The following BAHCC1 variants were observed in gnomAD, a reference collection of about 807,000 sequenced individuals.
BAHCC1 encodes BAH and coiled-coil domain-containing protein 1.
BAHCC1 carries 43 observed loss-of-function variants against 88.2 expected under a neutral mutation model. That is an observed-to-expected ratio of 0.49 (90% CI 0.38 to 0.63). The LOEUF is 0.63. Ranked by LOEUF, BAHCC1 falls within the 20% of genes least tolerant of loss-of-function variation. The probability of loss-of-function intolerance (pLI) is 0.00; values close to 1 mark genes in which losing one functional copy is unlikely to be tolerated. For missense variants in BAHCC1, 3,023 were observed against 1,654.8 expected (o/e 1.83, Z -14.34); for synonymous variants, 1,510 against 745.5 (o/e 2.03, Z -16.71).
chr17:81,459,035 T>C lies in BAHCC1; in HGVS notation c.5606-19T>C. 1 of 740,444 alleles carries C rather than the reference T, an allele frequency of 1.4e-6. No individual in the cohort carries two copies. The highest frequency in any genetic ancestry group is 2.5e-6 in the Non-Finnish European group (1 of 397,830). The allele number at this position is 740,444 out of a possible 1,614,324, so 45.9% of individuals were successfully genotyped here. On this transcript the variant is annotated intron_variant, in intron 20 of 27. Coordinates refer to ENST00000675386, the MANE Select transcript of BAHCC1 (RefSeq NM_001377448.1). ...GTGGTGGGTAGGCCGTGCCGGCCGCTGACACCTTGTGCCCACAGCGCGCTC... is the reference window on the plus strand; with the variant it reads ...GTGGTGGGTAGGCCGTGCCGGCCGCCGACACCTTGTGCCCACAGCGCGCTC...
chr17:81,425,667 G>T (rs1201157541), intron 2 of BAHCC1, among the ~76,000 whole-genome samples: 1 of 6,818 alleles, frequency 1.5e-4, no homozygotes, highest in East Asian at 2.7e-3. Flanking sequence ...TGTGGTTGGT[G>T]GTGATGGTGG....
At position 81,411,522 on chromosome 17, in the gene BAHCC1, T is replaced by TCCTG. The variant is rs1567998100; in HGVS notation, c.178+11608_178+11609insGCCT. The TCCTG allele has an allele frequency of 8.4e-6, 1 of 119,032 alleles. No homozygotes were observed. The highest frequency in any genetic ancestry group is 5.0e-5 in the South Asian group (1 of 20,138). 7.4% of individuals were successfully genotyped at this position (119,032 alleles called of 1,614,324 possible). A position where few individuals can be genotyped will look rare whatever the true frequency, so the allele number is the denominator to read the frequency against. ...TGCCTGCCTGCCTGCCTGCCTTCCT[T>TCCTG]CCTTCCTTCCTTCCTTCCTTCCTTC... On this transcript the variant is annotated intron_variant, in intron 2 of 27. Coordinates refer to ENST00000675386, the MANE Select transcript of BAHCC1 (RefSeq NM_001377448.1). The surrounding 1 kb of genome is among the most constrained non-coding windows in gnomAD (Gnocchi z 6.2).
At chr17:81,436,590 A>C (rs2064339648) in intron 3 of BAHCC1, among the ~76,000 whole-genome samples, 1 of 146,766 alleles carries the variant, frequency 6.8e-6, no homozygotes. Context: ...CCACTCCCCT[A>C]CCCCCGCCCC....
chr17:81,424,802 A>G (rs1353241777), intron 2 of BAHCC1, among the ~76,000 whole-genome samples: 4 of 145,612 alleles, frequency 2.7e-5, no homozygotes, highest in African/African-American at 1.0e-4. Flanking sequence ...GTTTGTGGTG[A>G]TAGTGCTGGG....
chr17:81,432,872 C>T lies in BAHCC1; in HGVS notation c.359-5498C>T, dbSNP rs1190992685. Among the ~76,000 whole-genome samples the T allele has an allele frequency of 8.2e-4, 14 of 17,084 alleles. 1 individual carries two copies. The highest frequency in any genetic ancestry group is 4.6e-3 in the African/African-American group (13 of 2,800). 11.2% of individuals were successfully genotyped at this position (17,084 alleles called of 152,430 possible). On this transcript the variant is annotated intron_variant, in intron 3 of 27. Transcript: ENST00000675386. ...CCCCAGGCCCACCCTTCCCCCCATC[C>T]CCAGGCCCAACCTCCCCCCCCATCC...
chr17:81,413,890 C>T (rs563894105), intron 2 of BAHCC1, among the ~76,000 whole-genome samples: 2 of 152,238 alleles, frequency 1.3e-5, no homozygotes, highest in South Asian at 4.1e-4. Context: ...CTTTCTCCTT[C>T]CGTTTCTGCA....
At chr17:81,409,487 G>A (rs1476083863) in intron 2 of BAHCC1, among the ~76,000 whole-genome samples, 1 of 152,214 alleles carries the variant, frequency 6.6e-6, no homozygotes, top group Non-Finnish European at 1.5e-5. Context: ...GCTCAGGGTG[G>A]GGGCCAGTTC....
At chr17:81,440,656 C>A (rs2064398558) in intron 4 of BAHCC1, among the ~76,000 whole-genome samples, 1 of 152,152 alleles carries the variant, frequency 6.6e-6, no homozygotes, top group Non-Finnish European at 1.5e-5. Context: ...AACCCCAGGG[C>A]AGCCGGGAGT....
In BAHCC1 at chr17:81,447,393, C is replaced by A; in HGVS notation, c.3521C>A (p.Ala1174Asp). The change falls in exon 11 of 28, where the codon GCT becomes GAT. Residue 1174 changes from alanine to aspartate, a missense_variant. Coordinates refer to ENST00000675386, the MANE Select transcript of BAHCC1 (RefSeq NM_001377448.1). The part of the protein sequence containing the change: ...EAGGPEATGQ[A>D]HSTQGGAREE... The stretch of plus-strand genomic sequence containing the variant: ...GGGGGCCCCGAGGCCACCGGCCAGG[C>A]TCATTCTACTCAGGGAGGGGCACGA... 1 of 741,618 alleles carries A rather than the reference C, an allele frequency of 1.3e-6. No homozygotes were observed. Among genetic ancestry groups the A allele is most frequent in the East Asian group, 2.5e-5 (1 of 39,836 alleles). 45.9% of individuals were successfully genotyped at this position (741,618 alleles called of 1,614,324 possible).
intron 24 of BAHCC1, 56 bp downstream of exon 24, chr17:81,460,452 C>T (rs1375386259): frequency 6.9e-6 from 5 of 728,046 alleles, no homozygotes; most frequent in South Asian, 2.9e-5. Context: ...TGTGTCCAGA[C>T]GGGCTCCCAA....
In BAHCC1 at chr17:81,465,221, C is replaced by T. The variant is rs2030622239; in HGVS notation, c.*1404C>T. 1 of 152,302 alleles carries T rather than the reference C, an allele frequency of 6.6e-6. No homozygotes were observed. Among genetic ancestry groups the T allele is most frequent in the Non-Finnish European group, 1.5e-5 (1 of 68,080 alleles). The allele number at this position is 152,302 out of a possible 1,614,324, so 9.4% of individuals were successfully genotyped here. ...AGCCAAATCTGCCTGGCCCTCGGACCCCTCTGCCTGCCCCAACCCCTTTGG... is the reference window on the plus strand; with the variant it reads ...AGCCAAATCTGCCTGGCCCTCGGACTCCTCTGCCTGCCCCAACCCCTTTGG... On this transcript the variant is annotated 3_prime_UTR_variant, in exon 28 of 28. Transcript: ENST00000675386.
intron 27 of BAHCC1, among the ~76,000 whole-genome samples, chr17:81,463,258 G>A (rs1555660006): frequency 6.6e-6 from 1 of 152,172 alleles, no homozygotes; most frequent in Non-Finnish European, 1.5e-5. Context: ...CACCCCGTGG[G>A]CCCTCCCTGC....
intron 14 of BAHCC1, among the ~76,000 whole-genome samples, chr17:81,453,760 G>A (rs540314566): frequency 2.9e-4 from 44 of 152,352 alleles, no homozygotes; most frequent in Admixed American, 1.6e-3. Context: ...GAGGGAAACT[G>A]AGTCCAGGAC....
At chr17:81,463,048 CTG>C (rs1198755800) in intron 27 of BAHCC1, 72 bp downstream of exon 27, 2 of 717,392 alleles carry the variant, frequency 2.8e-6, no homozygotes, top group African/African-American at 3.5e-5. Context: ...GCAGCCAGCA[CTG>C]TGCCCCAACA....
intron 11 of BAHCC1, among the ~76,000 whole-genome samples, chr17:81,449,867 G>A (rs2064602026): frequency 6.6e-6 from 1 of 152,150 alleles, no homozygotes; most frequent in South Asian, 2.1e-4. Flanking sequence ...GTCTGGGCTT[G>A]TGGCCCCCTG....
chr17:81,423,778 G>A (rs1394597964), intron 2 of BAHCC1, among the ~76,000 whole-genome samples: 5 of 152,222 alleles, frequency 3.3e-5, no homozygotes, highest in Admixed American at 6.5e-5. Context: ...AGGCTCCCTC[G>A]GGCTGGCCTT....
At position 81,462,109 on chromosome 17, in the gene BAHCC1, G is replaced by A. The variant is rs920327792; in HGVS notation, c.7383+63G>A. ...CAAGGAAACCGGGGCGGGCTCATGC[G>A]CCCCTGCTGCCCTTCCCTCTCCTTT... On this transcript the variant is annotated intron_variant, in intron 26 of 27. Transcript: ENST00000675386. 21 of 663,674 alleles carry A rather than the reference G, an allele frequency of 3.2e-5. No homozygotes were observed. The Admixed American group carries it at 3.2e-4, about 10-fold the overall frequency. 41.1% of individuals were successfully genotyped at this position (663,674 alleles called of 1,614,324 possible).
In BAHCC1 at chr17:81,459,055, G is replaced by A. The variant is rs372194536; in HGVS notation, c.5607G>A (p.Ala1869=). 3.7e-5 allele frequency: 28 copies of A among 755,646 alleles called. 1 individual carries two copies. Among genetic ancestry groups the A allele is most frequent in the South Asian group, 2.0e-4 (14 of 71,610 alleles). The allele number at this position is 755,646 out of a possible 1,614,324, so 46.8% of individuals were successfully genotyped here. The change falls in exon 21 of 28, where the codon GCG becomes GCA. Residue 1869 remains alanine (A), a splice_region_variant and synonymous_variant. Transcript: ENST00000675386. The stretch of plus-strand genomic sequence containing the variant: ...GCCGCTGACACCTTGTGCCCACAGC[G>A]CGCTCGTGTGCCATCCACAAGGAGG... ...PLSAEQSAAL[A]RSCAIHKEDL...
chr17:81,428,556 G>A (rs2064226245), intron 3 of BAHCC1, among the ~76,000 whole-genome samples: 1 of 152,182 alleles, frequency 6.6e-6, no homozygotes, highest in African/African-American at 2.4e-5. Context: ...AATGCTCTCT[G>A]CACCAGGAGA....
Sources: gnomAD v4.1 joint callset for allele counts (sites outside exome capture counted in the v4.1 genomes callset) on GRCh38, gnomAD v4.1.1 for gene constraint, Gnocchi (gnomAD v3.1) non-coding constraint, MANE v1.5 for transcripts, NCBI Gene and HGNC (gene_info 2026-07-23, HGNC 2026-07-21) for gene names.